The following CLASP2 variants were observed in gnomAD, a reference collection of about 807,000 sequenced individuals.
CLASP2 encodes cytoplasmic linker associated protein 2.
A neutral mutation model predicts 194.4 loss-of-function variants in CLASP2; 47 were observed. That is an observed-to-expected ratio of 0.24 (90% confidence interval 0.19 to 0.31). CLASP2 has a LOEUF of 0.31. Ranked by LOEUF, CLASP2 falls within the 10% of genes least tolerant of loss-of-function variation. The pLI is 1.00. For synonymous variants in CLASP2, 619 were observed against 633.5 expected, an observed-to-expected ratio of 0.98 and a Z score of 0.34; for missense variants, 1,445 against 1,823.6, an observed-to-expected ratio of 0.79 and a Z score of 3.78.
At chr3:33,621,257 G>A (rs1015989784) in intron 11 of CLASP2, among the ~76,000 whole-genome samples, 3 of 152,044 alleles carry the variant, frequency 2.0e-5, no homozygotes, top group Non-Finnish European at 2.9e-5. Context: ...TGTCTATTAC[G>A]TGGAAACAGA....
intron 38 of CLASP2, among the ~76,000 whole-genome samples, chr3:33,500,859 T>C (rs2046691130): frequency 6.6e-6 from 1 of 152,218 alleles, no homozygotes; most frequent in South Asian, 2.1e-4. Context: ...GATTCAACAA[T>C]CAGAAGTTAT....
chr3:33,535,200 A>C (rs757176067), intron 34 of CLASP2, 33 bp downstream of exon 34: 1 of 1,478,472 alleles, frequency 6.8e-7, no homozygotes, highest in Non-Finnish European at 9.4e-7. Context: ...AAGTTCTCCA[A>C]AACAGACAGT....
intron 24 of CLASP2, among the ~76,000 whole-genome samples, chr3:33,575,277 T>TATC (rs1342267441): frequency 6.6e-6 from 1 of 152,184 alleles, no homozygotes; most frequent in African/African-American, 2.4e-5. Context: ...GAACTACACG[T>TATC]GTGATATTCA....
chr3:33,655,195 T>C (rs1427796852), intron 7 of CLASP2, among the ~76,000 whole-genome samples: 2 of 152,300 alleles, frequency 1.3e-5, no homozygotes, highest in Non-Finnish European at 2.9e-5. Flanking sequence ...CTATTCTATA[T>C]GTACAAAGAA....
In CLASP2 at chr3:33,560,792, A is replaced by G; in HGVS notation, c.2930+16T>C. On this transcript the variant is annotated intron_variant, in intron 28 of 38. Coordinates refer to ENST00000682230, the MANE Select transcript of CLASP2 (RefSeq NM_001365631.1). ...TTATTATCAGGTTAACTTGAAATAT[A>G]TGAAAAAAATATTACCTTGTAACAT... 2 of 1,608,324 alleles carry G rather than the reference A, an allele frequency of 1.2e-6. No individual in the cohort carries two copies. The highest frequency in any genetic ancestry group is 1.7e-6 in the Non-Finnish European group (2 of 1,177,244).
chr3:33,574,289 G>A (rs2064359556), intron 24 of CLASP2, among the ~76,000 whole-genome samples: 1 of 152,042 alleles, frequency 6.6e-6, no homozygotes, highest in Non-Finnish European at 1.5e-5. Context: ...GAAAGAATGA[G>A]CACCTCCAGA....
rs1315388584 is a variant in CLASP2, at chr3:33,619,608, T to C, written c.1312A>G (p.Ile438Val). Residue 438 changes from isoleucine to valine, a missense_variant, in exon 12 of 39, where the codon ATT becomes GTT. Around this residue, in one of 4 missense-constraint regions of CLASP2, gnomAD observed 207 missense variants for 331.4 expected, o/e 0.62. Transcript: ENST00000682230. ...AAACGAGAGAGCAAACCTACCCGAA[T>C]GATAAATCTGATTGCTGCACATCCA... is the stretch of plus-strand genomic sequence containing the variant. ...TSGCAAIRFI[I>V]RHTHVPRLIP... The C allele has an allele frequency of 2.5e-5, 38 of 1,548,288 alleles. No homozygotes were observed. Among genetic ancestry groups the C allele is most frequent in the Non-Finnish European group, 3.1e-5 (36 of 1,145,810 alleles).
chr3:33,526,136 C>A (rs2054504457), intron 34 of CLASP2, among the ~76,000 whole-genome samples: 1 of 151,596 alleles, frequency 6.6e-6, no homozygotes, highest in Non-Finnish European at 1.5e-5. Flanking sequence ...CCATGCCCAG[C>A]TAATTTTTGT....
At chr3:33,577,148 G>T in intron 23 of CLASP2, 1 of 1,257,120 alleles carries the variant, frequency 8.0e-7, no homozygotes, top group Non-Finnish European at 1.1e-6. Flanking sequence ...AAACTGAAAA[G>T]GATAAAATCT....
chr3:33,542,509 AAT>A (rs1045205166), intron 32 of CLASP2, among the ~76,000 whole-genome samples: 3 of 149,666 alleles, frequency 2.0e-5, no homozygotes, highest in Non-Finnish European at 4.4e-5. Context: ...AAATGTAATA[AAT>A]ATATATGAAT....
chr3:33,607,155 AAAGTG>A (rs1351386867), intron 15 of CLASP2, among the ~76,000 whole-genome samples: 1 of 152,234 alleles, frequency 6.6e-6, no homozygotes, highest in African/African-American at 2.4e-5. Flanking sequence ...ATTCATGATG[AAAGTG>A]AATAGGTTAT....
chr3:33,605,712 A>G (rs1304854215), intron 16 of CLASP2, among the ~76,000 whole-genome samples: 1 of 152,042 alleles, frequency 6.6e-6, no homozygotes, highest in Non-Finnish European at 1.5e-5. Context: ...TCCACCTCCC[A>G]GGTTTAAACG....
intron 36 of CLASP2, among the ~76,000 whole-genome samples, chr3:33,514,281 C>T (rs914857884): frequency 1.3e-5 from 2 of 150,660 alleles, no homozygotes; most frequent in African/African-American, 4.9e-5. Flanking sequence ...GCCACCATGC[C>T]CAGCCAATTT....
intron 27 of CLASP2, among the ~76,000 whole-genome samples, chr3:33,566,403 T>C (rs72854383): frequency 0.1 from 15,297 of 152,258 alleles, 850 homozygotes; most frequent in Non-Finnish European, 0.13. Flanking sequence ...CAATTTATTA[T>C]CCCACATATC....
chr3:33,555,156 C>T (rs1416152445), intron 29 of CLASP2, among the ~76,000 whole-genome samples: 1 of 151,986 alleles, frequency 6.6e-6, no homozygotes, highest in Non-Finnish European at 1.5e-5. Context: ...TTCCACAATG[C>T]ATACATATAT....
At chr3:33,599,156 G>A (rs555606379) in intron 18 of CLASP2, among the ~76,000 whole-genome samples, 1 of 151,748 alleles carries the variant, frequency 6.6e-6, no homozygotes, top group East Asian at 1.9e-4. Flanking sequence ...GAAAGGTCTC[G>A]CTCTGTCACC....
chr3:33,516,070 A>T lies in CLASP2; in HGVS notation c.4063T>A (p.Leu1355Met). ...GCTTCCAATGTTTTCATGACAGTCA[A>T]TTCTGCATAGTTTTTAAATCTTGCT... is the stretch of plus-strand genomic sequence containing the variant. ...QPARFKNYAE[L>M]TVMKTLEAHK... Residue 1355 changes from leucine (L) to methionine (M), a missense_variant, in exon 36 of 39, where the codon TTG becomes ATG. This residue lies in a region of CLASP2 where 732 missense variants were observed against 987.9 expected (regional missense o/e 0.74). Transcript: ENST00000682230. The T allele has an allele frequency of 6.2e-7, 1 of 1,610,926 alleles. No individual in the cohort carries two copies. The highest frequency in any genetic ancestry group is 8.5e-7 in the Non-Finnish European group (1 of 1,178,418).
At chr3:33,626,155 TCCTAA>T (rs1216220241) in intron 10 of CLASP2, among the ~76,000 whole-genome samples, 12 of 152,086 alleles carry the variant, frequency 7.9e-5, no homozygotes, top group Admixed American at 6.6e-5. Context: ...TATGTAGACT[TCCTAA>T]CAAAGACAAA....
At chr3:33,663,354 A>G (rs1216262977) in intron 7 of CLASP2, 91 bp downstream of exon 7, 7 of 820,150 alleles carry the variant, frequency 8.5e-6, no homozygotes, top group Non-Finnish European at 1.3e-5. Context: ...CACAAAATCA[A>G]CTCTTTTGAA....
Sources: allele counts gnomAD v4.1 joint callset (sites outside exome capture counted in the v4.1 genomes callset), GRCh38; gene constraint gnomAD v4.1.1; regional missense constraint gnomAD v4.1.1; transcripts MANE v1.5; gene names NCBI Gene and HGNC (gene_info 2026-07-23, HGNC 2026-07-21).